The following NSD3 variants were observed in gnomAD, a reference collection of about 807,000 sequenced individuals.
NSD3 encodes the protein histone-lysine N-methyltransferase NSD3.
A neutral mutation model predicts 160.8 loss-of-function variants in NSD3; 24 were observed. That is an observed-to-expected ratio of 0.15 (90% CI 0.11 to 0.21). The LOEUF (loss-of-function observed/expected upper bound fraction) is 0.21, where lower values mean the gene tolerates loss of function less well. Ranked by LOEUF, NSD3 falls within the 10% of genes least tolerant of loss-of-function variation. The pLI is 1.00. For synonymous variants in NSD3, 520 were observed against 600.0 expected, an observed-to-expected ratio of 0.87 and a Z score of 1.95; for missense variants, 1,157 against 1,735.9, an observed-to-expected ratio of 0.67 and a Z score of 5.93.
At chr8:38,353,723 G>A (rs922433612) in intron 1 of NSD3, among the ~76,000 whole-genome samples, 1 of 152,144 alleles carries the variant, frequency 6.6e-6, no homozygotes, top group Non-Finnish European at 1.5e-5. Context: ...TTGTATCACA[G>A]AGTGTTTTCA....
intron 1 of NSD3, among the ~76,000 whole-genome samples, chr8:38,378,393 G>A (rs1003104952): frequency 1.3e-5 from 2 of 152,158 alleles, no homozygotes; most frequent in Non-Finnish European, 2.9e-5. Flanking sequence ...TGTAATCCCA[G>A]GACTTTGGGA....
Position 38,305,170 on chromosome 8 carries a change from T to C in NSD3, c.2440+78A>G, listed in dbSNP as rs574176909. On this transcript the variant is annotated intron_variant, in intron 13 of 23. Transcript: ENST00000317025. Reference sequence around the variant, plus strand: ...ACAGAAGAAGAATGCCTTATGTTGTTTGTAATATATGCTTGATAATGTTAT... The same window carrying C: ...ACAGAAGAAGAATGCCTTATGTTGTCTGTAATATATGCTTGATAATGTTAT... The C allele has an allele frequency of 8.8e-5, 127 of 1,441,408 alleles. 1 individual carries two copies. Among genetic ancestry groups the C allele is most frequent in the South Asian group, 8.8e-4 (70 of 79,640 alleles). 89.3% of individuals were successfully genotyped at this position (1,441,408 alleles called of 1,614,324 possible).
intron 16 of NSD3, among the ~76,000 whole-genome samples, chr8:38,293,914 C>A (rs1427757182): frequency 1.1e-5 from 1 of 91,450 alleles, no homozygotes; most frequent in Non-Finnish European, 1.9e-5. Flanking sequence ...CAGAGTGAGA[C>A]TCCGTCTCAA....
At chr8:38,277,939 CTT>C (rs1212507237) in intron 22 of NSD3, among the ~76,000 whole-genome samples, 45 of 136,346 alleles carry the variant, frequency 3.3e-4, no homozygotes, top group Admixed American at 6.6e-4. Context: ...AAACAGACTT[CTT>C]TTTTTTTTTT....
In NSD3 at chr8:38,364,277, AAAC is replaced by A. The variant is rs10672618; in HGVS notation, c.-44-16065_-44-16063del. 5.8e-3 allele frequency among the ~76,000 whole-genome samples: 872 copies of A among 149,396 alleles called. 6 individuals are homozygous for A. The highest frequency in any genetic ancestry group is 0.015 in the African/African-American group (599 of 40,460). On this transcript the variant is annotated intron_variant, in intron 1 of 23. Coordinates refer to ENST00000317025, the MANE Select transcript of NSD3 (RefSeq NM_023034.2). ...GGGTGACAGAGCAAGACTCCGTCTC[AAAC>A]AACAACAACAACAACAACAACAACA...
chr8:38,366,368 T>C (rs1200966681), intron 1 of NSD3, among the ~76,000 whole-genome samples: 1 of 151,036 alleles, frequency 6.6e-6, no homozygotes, highest in Non-Finnish European at 1.5e-5. Context: ...CACACAAATA[T>C]AGTAATCACA....
Position 38,288,850 on chromosome 8 carries a change from T to A in NSD3, c.3232-94A>T. On this transcript the variant is annotated intron_variant, in intron 18 of 23. Coordinates refer to ENST00000317025, the MANE Select transcript of NSD3 (RefSeq NM_023034.2). This position sits in a 1 kb window ranked among gnomAD's most constrained non-coding sequence, Gnocchi z 4.5. ...CTAAAACATCCACGCTACTGCCTCG[T>A]GGTGCTACTCCGAGAAAGGTTGTCT... 6.8e-7 allele frequency: 1 copy of A among 1,480,384 alleles called. No homozygotes were observed. The allele number at this position is 1,480,384 out of a possible 1,614,324, so 91.7% of individuals were successfully genotyped here.
intron 19 of NSD3, among the ~76,000 whole-genome samples, chr8:38,284,718 G>A (rs180934628): frequency 6.6e-6 from 1 of 152,354 alleles, no homozygotes; most frequent in Admixed American, 6.5e-5. Flanking sequence ...GAAACTCATA[G>A]AGGAGAATTT....
intron 1 of NSD3, among the ~76,000 whole-genome samples, chr8:38,357,048 G>A (rs1052027169): frequency 6.1e-5 from 9 of 147,386 alleles, no homozygotes; most frequent in Non-Finnish European, 1.3e-4. Flanking sequence ...GAATCTGGGA[G>A]GCGGAGGTTG....
chr8:38,336,119 C>CT (rs1362614611), intron 4 of NSD3: 1 of 152,196 alleles, frequency 6.6e-6, no homozygotes, highest in East Asian at 1.9e-4. Context: ...TAAAGAGATA[C>CT]TTTTTCCCTT....
intron 2 of NSD3, among the ~76,000 whole-genome samples, chr8:38,340,097 A>T (rs1810323537): frequency 6.8e-6 from 1 of 146,102 alleles, no homozygotes; most frequent in South Asian, 2.1e-4. Flanking sequence ...TCTTTTCTGT[A>T]AAAAAAAAAC....
At chr8:38,311,965 T>A (rs182911297) in intron 12 of NSD3, among the ~76,000 whole-genome samples, 2 of 152,338 alleles carry the variant, frequency 1.3e-5, no homozygotes, top group Non-Finnish European at 2.9e-5. Context: ...ATTAATTTTG[T>A]TTATGCTGTT....
intron 2 of NSD3, among the ~76,000 whole-genome samples, chr8:38,347,046 A>C (rs1810555517): frequency 1.3e-5 from 2 of 152,166 alleles, no homozygotes; most frequent in Non-Finnish European, 2.9e-5. Flanking sequence ...ATTAATACTA[A>C]CTCTGATTTT....
chr8:38,304,034 T>C (rs1358533340), intron 14 of NSD3, among the ~76,000 whole-genome samples: 1 of 152,240 alleles, frequency 6.6e-6, no homozygotes, highest in Non-Finnish European at 1.5e-5. Context: ...CGTCAACAGC[T>C]GGCAACAAGA....
At chr8:38,345,001 T>TTCACTG (rs1810478084) in intron 2 of NSD3, among the ~76,000 whole-genome samples, 1 of 152,130 alleles carries the variant, frequency 6.6e-6, no homozygotes, top group Admixed American at 6.6e-5. Flanking sequence ...TGTGAAACAT[T>TTCACTG]AATTTATACA....
In NSD3 at chr8:38,329,552, G is replaced by C; in HGVS notation, c.1407C>G (p.Ala469=). The change falls in exon 6 of 24, where the codon GCC becomes GCG. Residue 469 remains alanine, a synonymous_variant. Coordinates refer to ENST00000317025, the MANE Select transcript of NSD3 (RefSeq NM_023034.2). This position sits in a 1 kb window ranked among gnomAD's most constrained non-coding sequence, Gnocchi z 4.8. ...EEEEPPPVKI[A]WKTAAARKSL... ...ATTTCCTTGCTGCCGCAGTTTTCCAGGCTATTTTAACAGGCGGTGGCTCTT... is the reference window on the plus strand; with the variant it reads ...ATTTCCTTGCTGCCGCAGTTTTCCACGCTATTTTAACAGGCGGTGGCTCTT... The C allele has an allele frequency of 1.9e-6, 3 of 1,614,232 alleles. No homozygotes were observed. The highest frequency in any genetic ancestry group is 2.5e-6 in the Non-Finnish European group (3 of 1,180,048).
chr8:38,322,744 T>C (rs896462646), intron 7 of NSD3, among the ~76,000 whole-genome samples: 2 of 152,230 alleles, frequency 1.3e-5, no homozygotes, highest in East Asian at 1.9e-4. Flanking sequence ...TGAAATCTAG[T>C]GTGAATACAA....
chr8:38,323,046 TTTTTC>T (rs769061068), intron 7 of NSD3, among the ~76,000 whole-genome samples: 6 of 152,080 alleles, frequency 3.9e-5, no homozygotes, highest in East Asian at 3.9e-4. Flanking sequence ...AATTAAGTTT[TTTTTC>T]TTTTCTTTTC....
intron 1 of NSD3, among the ~76,000 whole-genome samples, chr8:38,381,381 T>C (rs1303628771): frequency 6.6e-6 from 1 of 152,066 alleles, no homozygotes; most frequent in Non-Finnish European, 1.5e-5. Context: ...TTCTGGTTCC[T>C]ACACTCCATC....
Sources: allele counts gnomAD v4.1 joint callset (sites outside exome capture counted in the v4.1 genomes callset), GRCh38; gene constraint gnomAD v4.1.1; non-coding constraint Gnocchi (gnomAD v3.1); transcripts MANE v1.5; gene names NCBI Gene and HGNC (gene_info 2026-07-23, HGNC 2026-07-21).